HPSE2: variants seen among roughly 807,000 people sequenced by gnomAD.
The protein encoded by HPSE2 is heparanase 2 (inactive).
In HPSE2, 38 loss-of-function variants were observed where a neutral mutation model predicts 60.5. The observed-to-expected ratio is 0.63, with a 90% CI of 0.48 to 0.82. The LOEUF is 0.82. HPSE2 is among the 40% of genes least tolerant of loss of function. HPSE2 has a pLI of 0.00. For missense variants in HPSE2, 713 were observed against 740.4 expected (o/e 0.96, Z 0.43); for synonymous variants, 295 against 293.2 (o/e 1.01, Z -0.06).
chr10:98,480,083 C>T (rs371871233), intron 11 of HPSE2, among the ~76,000 whole-genome samples: 1 of 142,512 alleles, frequency 7.0e-6, no homozygotes, highest in African/African-American at 2.8e-5. Flanking sequence ...TGTCCTTGTC[C>T]CTCTCCTACA....
chr10:99,248,146 T>C, the HPSE2 span, among the ~76,000 whole-genome samples: 1 of 152,166 alleles, frequency 6.6e-6, no homozygotes, highest in Non-Finnish European at 1.5e-5. Flanking sequence ...AACTGGATAA[T>C]GGGCAGAGGT....
intron 3 of HPSE2, among the ~76,000 whole-genome samples, chr10:98,965,075 G>A (rs1318052755): frequency 6.6e-6 from 1 of 152,044 alleles, no homozygotes. Context: ...TAGTTTCTCT[G>A]TCAACAGACC....
chr10:99,315,559 G>A, the HPSE2 span, among the ~76,000 whole-genome samples: 25 of 152,288 alleles, frequency 1.6e-4, no homozygotes, highest in East Asian at 4.8e-3. Context: ...ACAGGTAGAA[G>A]GAATGGAATG....
chr10:98,504,729 G>T (rs1942142349), intron 9 of HPSE2, among the ~76,000 whole-genome samples: 1 of 150,700 alleles, frequency 6.6e-6, no homozygotes, highest in African/African-American at 2.4e-5. Flanking sequence ...GGTGGAGCTT[G>T]CAGTGAGCTG....
chr10:99,161,506 A>T (rs1014128313), intron 2 of HPSE2, among the ~76,000 whole-genome samples: 2 of 152,204 alleles, frequency 1.3e-5, no homozygotes, highest in African/African-American at 4.8e-5. Flanking sequence ...TGGAGAACGC[A>T]TATCAATTGA....
chr10:98,904,959 T>C (rs1479476442), intron 3 of HPSE2, among the ~76,000 whole-genome samples: 1 of 152,208 alleles, frequency 6.6e-6, no homozygotes, highest in Non-Finnish European at 1.5e-5. Flanking sequence ...TGTGTAAACA[T>C]TTCTATCTTA....
chr10:98,684,020 A>G (rs973415982), intron 6 of HPSE2, among the ~76,000 whole-genome samples: 7 of 152,188 alleles, frequency 4.6e-5, no homozygotes, highest in African/African-American at 1.7e-4. Context: ...AATCTGAGGG[A>G]AATCTATGTG....
intron 2 of HPSE2, among the ~76,000 whole-genome samples, chr10:99,146,314 G>C (rs1846050943): frequency 6.6e-6 from 1 of 152,114 alleles, no homozygotes; most frequent in Admixed American, 6.5e-5. Context: ...ATCTATTATA[G>C]AGACTGAAAA....
intron 2 of HPSE2, among the ~76,000 whole-genome samples, chr10:99,177,838 G>T (rs987332380): frequency 5.9e-5 from 9 of 151,992 alleles, no homozygotes; most frequent in Non-Finnish European, 1.2e-4. Context: ...GCACCACATC[G>T]CACTTATTCT....
intron 3 of HPSE2, among the ~76,000 whole-genome samples, chr10:99,103,780 A>G (rs1844120552): frequency 1.3e-5 from 2 of 152,318 alleles, no homozygotes; most frequent in Non-Finnish European, 2.9e-5. Flanking sequence ...CGGTACCAAA[A>G]CAGAGATATA....
At chr10:98,990,651 C>T (rs952355068) in intron 3 of HPSE2, among the ~76,000 whole-genome samples, 6 of 152,178 alleles carry the variant, frequency 3.9e-5, no homozygotes, top group African/African-American at 1.4e-4. Context: ...GCTTGAACAA[C>T]ATGATGTCAA....
At chr10:98,716,918 C>T (rs1315227287) in intron 5 of HPSE2, among the ~76,000 whole-genome samples, 2 of 151,956 alleles carry the variant, frequency 1.3e-5, no homozygotes, top group African/African-American at 2.4e-5. Flanking sequence ...TTATAGAGTA[C>T]AGGTGGAGCA....
chr10:98,941,975 G>C (rs9732365), intron 3 of HPSE2, among the ~76,000 whole-genome samples: 71,544 of 138,598 alleles, frequency 0.52, 22,992 homozygotes, highest in Non-Finnish European at 0.63. Flanking sequence ...AACAAGCAAT[G>C]GGGAAAGGAT....
intron 2 of HPSE2, among the ~76,000 whole-genome samples, chr10:99,198,558 T>C (rs1289603849): frequency 6.6e-6 from 1 of 152,206 alleles, no homozygotes; most frequent in Non-Finnish European, 1.5e-5. Context: ...CATGATTTTA[T>C]TGAAATGGCA....
chr10:99,089,136 T>C (rs1005837363), intron 3 of HPSE2, among the ~76,000 whole-genome samples: 2 of 152,212 alleles, frequency 1.3e-5, no homozygotes, highest in African/African-American at 4.8e-5. Flanking sequence ...CTGTTTACTC[T>C]GCTGATTATT....
intron 9 of HPSE2, among the ~76,000 whole-genome samples, chr10:98,513,353 G>A (rs955558987): frequency 2.0e-5 from 3 of 152,198 alleles, no homozygotes; most frequent in Admixed American, 6.5e-5. Context: ...GGGGTTCCAC[G>A]GAGCAGCCAG....
chr10:99,097,257 T>C (rs1843751135), intron 3 of HPSE2, among the ~76,000 whole-genome samples: 1 of 152,098 alleles, frequency 6.6e-6, no homozygotes, highest in Non-Finnish European at 1.5e-5. Flanking sequence ...TACTATAAGG[T>C]AACAAAGAAA....
chr10:98,765,398 A>G lies in HPSE2; in HGVS notation c.611-21342T>C, dbSNP rs183213332. On this transcript the variant is annotated intron_variant, in intron 3 of 11. Transcript: ENST00000370552. ...AATATTGGGAAATTAAACTACTGCT[A>G]TAAGTTACTTTTAGGTAAAAGACAA... is the stretch of plus-strand genomic sequence containing the variant. Among the ~76,000 whole-genome samples the G allele has an allele frequency of 9.9e-4, 151 of 152,344 alleles. 1 individual carries two copies. In the East Asian group the frequency reaches 0.012, roughly 12 times the overall value.
intron 9 of HPSE2, among the ~76,000 whole-genome samples, chr10:98,510,365 T>G (rs929288817): frequency 6.6e-6 from 1 of 152,100 alleles, no homozygotes; most frequent in Non-Finnish European, 1.5e-5. Flanking sequence ...TAGACCATGC[T>G]CTGAATACTC....
Sources: gnomAD v4.1 joint callset for allele counts (sites outside exome capture counted in the v4.1 genomes callset) on GRCh38, gnomAD v4.1.1 for gene constraint, MANE v1.5 for transcripts, NCBI Gene and HGNC (gene_info 2026-07-23, HGNC 2026-07-21) for gene names.